The following EPS15 variants were observed in gnomAD, a reference collection of about 807,000 sequenced individuals.
EPS15 encodes the protein epidermal growth factor receptor pathway substrate 15.
A neutral mutation model predicts 113.8 loss-of-function variants in EPS15; 72 were observed. The observed-to-expected ratio is 0.63, with a 90% CI of 0.52 to 0.77. The LOEUF is 0.77. EPS15 is among the 30% of genes least tolerant of loss of function. EPS15 has a pLI of 0.00. For missense variants in EPS15, 1,048 were observed against 1,045.8 expected, an observed-to-expected ratio of 1.00 and a Z score of -0.03; for synonymous variants, 344 against 363.4, an observed-to-expected ratio of 0.95 and a Z score of 0.61.
intron 1 of EPS15, among the ~76,000 whole-genome samples, chr1:51,515,702 T>TACTTA (rs1254117268): frequency 6.6e-6 from 1 of 152,232 alleles, no homozygotes; most frequent in African/African-American, 2.4e-5. Context: ...AGAGGCTTAC[T>TACTTA]ACTTAAGACA....
intron 21 of EPS15, among the ~76,000 whole-genome samples, chr1:51,379,411 T>C (rs761180281): frequency 6.6e-5 from 10 of 152,054 alleles, no homozygotes; most frequent in Non-Finnish European, 1.0e-4. Flanking sequence ...TGAGCCACAG[T>C]GCCTGGCCAG....
intron 22 of EPS15, among the ~76,000 whole-genome samples, chr1:51,364,790 C>T (rs181505177): frequency 9.9e-5 from 15 of 152,054 alleles, no homozygotes; most frequent in Admixed American, 3.9e-4. Flanking sequence ...TGAGTTACTG[C>T]ACCCAGCCTG....
intron 21 of EPS15, chr1:51,372,891 TG>T: frequency 2.5e-6 from 2 of 789,024 alleles, no homozygotes; most frequent in Non-Finnish European, 1.8e-6. Context: ...AGGAGCTACC[TG>T]GAAAAAACAG....
chr1:51,383,718 C>A (rs1646993048), intron 21 of EPS15, among the ~76,000 whole-genome samples: 1 of 151,984 alleles, frequency 6.6e-6, no homozygotes, highest in Admixed American at 6.5e-5. Flanking sequence ...GGGATCCCTG[C>A]AATATAGTAG....
intron 8 of EPS15, among the ~76,000 whole-genome samples, chr1:51,460,676 G>A (rs1420567844): frequency 6.6e-6 from 1 of 152,100 alleles, no homozygotes; most frequent in African/African-American, 2.4e-5. Context: ...TCAACCAGCC[G>A]GGCACAGTGG....
At chr1:51,439,792 A>G (rs1652442450) in intron 12 of EPS15, among the ~76,000 whole-genome samples, 1 of 152,032 alleles carries the variant, frequency 6.6e-6, no homozygotes, top group South Asian at 2.1e-4. Context: ...AAAATATCTA[A>G]GCATCTTAAG....
At chr1:51,434,007 A>G (rs1363595022) in intron 12 of EPS15, among the ~76,000 whole-genome samples, 22 of 152,234 alleles carry the variant, frequency 1.4e-4, no homozygotes, top group Admixed American at 1.4e-3. Context: ...ACAGCTCTCA[A>G]GAATGGGTCC....
At chr1:51,461,215 G>GA in intron 7 of EPS15, 65 bp from the exon 8 acceptor site, 1 of 1,215,450 alleles carries the variant, frequency 8.2e-7, no homozygotes, top group Non-Finnish European at 1.2e-6. Flanking sequence ...TCGAGGGCAA[G>GA]AAAAGAAAGT....
chr1:51,456,357 C>T (rs1382022106), intron 8 of EPS15, among the ~76,000 whole-genome samples: 2 of 151,988 alleles, frequency 1.3e-5, no homozygotes, highest in Admixed American at 6.6e-5. Context: ...AAAGCAGACA[C>T]GGGGTCTTTA....
chr1:51,423,212 T>A (rs776505135), intron 12 of EPS15: 4 of 1,288,956 alleles, frequency 3.1e-6, no homozygotes, highest in Middle Eastern at 2.1e-4. Flanking sequence ...ACTAACCGTT[T>A]GTCAGATGGG....
rs1296219866 is a variant in EPS15, at chr1:51,384,835, A to C, written c.2119+9546T>G. On this transcript the variant is annotated intron_variant, in intron 21 of 24. Coordinates refer to ENST00000371733, the MANE Select transcript of EPS15 (RefSeq NM_001981.3). Reference sequence around the variant, plus strand: ...GATTTTCAAGAAACGTGCCAAGAACAAACAATGGAAAAAGGACGGTCTTCA... The same window carrying C: ...GATTTTCAAGAAACGTGCCAAGAACCAACAATGGAAAAAGGACGGTCTTCA... Among the ~76,000 whole-genome samples the C allele has an allele frequency of 2.0e-5, 3 of 152,252 alleles. No homozygotes were observed. The East Asian group carries it at 5.8e-4, about 29-fold the overall frequency.
chr1:51,404,857 A>G (rs997719799), intron 16 of EPS15, among the ~76,000 whole-genome samples: 1 of 152,202 alleles, frequency 6.6e-6, no homozygotes, highest in African/African-American at 2.4e-5. Flanking sequence ...AAAGGGATAC[A>G]CATTTATACT....
At chr1:51,405,571 G>C (rs1252690920) in intron 16 of EPS15, among the ~76,000 whole-genome samples, 1 of 151,996 alleles carries the variant, frequency 6.6e-6, no homozygotes, top group Non-Finnish European at 1.5e-5. Flanking sequence ...GGTGGCACGT[G>C]ACTGTAATCC....
Position 51,408,165 on chromosome 1 carries a change from G to C in EPS15, c.1443C>G (p.His481Gln). Residue 481 changes from histidine (H) to glutamine (Q), a missense_variant, in exon 15 of 25, where the codon CAC (histidine) becomes CAG (glutamine). Transcript: ENST00000371733. ...GKAQLEPLQQ[H>Q]LQDSQQEISS... is the part of the protein sequence containing the mutation. ...TAATTTCCTGTTGTGAATCTTGTAG[G>C]TGCTGCTGAAGAGGTTCCAACTGAG... 6.2e-7 allele frequency: 1 copy of C among 1,614,070 alleles called. No homozygotes were observed. The highest frequency in any genetic ancestry group is 2.2e-5 in the East Asian group (1 of 44,880).
intron 21 of EPS15, among the ~76,000 whole-genome samples, chr1:51,392,629 T>C (rs988062819): frequency 3.9e-5 from 6 of 152,268 alleles, no homozygotes; most frequent in African/African-American, 9.6e-5. Context: ...ATATGCCCTA[T>C]ATGTTCTGCC....
intron 13 of EPS15, among the ~76,000 whole-genome samples, chr1:51,417,154 T>C (rs1434776907): frequency 6.6e-6 from 1 of 152,150 alleles, no homozygotes; most frequent in Non-Finnish European, 1.5e-5. Context: ...ATTTTATTTC[T>C]ATCTAAGATA....
intron 8 of EPS15, 89 bp from the exon 9 acceptor site, chr1:51,448,224 T>C: frequency 1.4e-6 from 1 of 715,032 alleles, no homozygotes; most frequent in Non-Finnish European, 2.2e-6. Flanking sequence ...TAAATCATCG[T>C]CAGGCTCTCA....
At chr1:51,393,321 TGCCTCA>T (rs979107188) in intron 21 of EPS15, among the ~76,000 whole-genome samples, 1 of 152,228 alleles carries the variant, frequency 6.6e-6, no homozygotes, top group African/African-American at 2.4e-5. Flanking sequence ...GCAATTCTCC[TGCCTCA>T]GCCTCCCAAG....
chr1:51,389,221 A>G (rs1647189011), intron 21 of EPS15, among the ~76,000 whole-genome samples: 2 of 152,244 alleles, frequency 1.3e-5, no homozygotes, highest in African/African-American at 4.8e-5. Context: ...CAAAAACCAC[A>G]TGATTATCTC....
Sources: gnomAD v4.1 joint callset for allele counts (sites outside exome capture counted in the v4.1 genomes callset) on GRCh38, gnomAD v4.1.1 for gene constraint, MANE v1.5 for transcripts, NCBI Gene and HGNC (gene_info 2026-07-23, HGNC 2026-07-21) for gene names.